The following FRAS1 variants were observed in gnomAD, a reference collection of about 807,000 sequenced individuals.
The protein encoded by FRAS1 is extracellular matrix organizing protein FRAS1.
In FRAS1, 290 loss-of-function variants were observed where a neutral mutation model predicts 435.2. That is an observed-to-expected ratio of 0.67 (90% CI 0.61 to 0.73). The LOEUF (loss-of-function observed/expected upper bound fraction) is 0.73, where lower values mean the gene tolerates loss of function less well. Ranked by LOEUF, FRAS1 falls within the 30% of genes least tolerant of loss-of-function variation. The pLI is 0.00. For missense variants in FRAS1, 4,860 were observed against 5,001.5 expected, an observed-to-expected ratio of 0.97 and a Z score of 0.85; for synonymous variants, 1,800 against 1,851.0, an observed-to-expected ratio of 0.97 and a Z score of 0.71.
chr4:78,503,219 TC>T (rs2109877328), intron 61 of FRAS1, among the ~76,000 whole-genome samples: 1 of 152,340 alleles, frequency 6.6e-6, no homozygotes, highest in Admixed American at 6.5e-5. Context: ...TCAGGATGAT[TC>T]CGGCTTCATA....
chr4:78,148,586 A>G (rs543614195), intron 2 of FRAS1, among the ~76,000 whole-genome samples: 12 of 152,320 alleles, frequency 7.9e-5, no homozygotes, highest in African/African-American at 2.6e-4. Context: ...TTCAATTTTT[A>G]TATGCTACAG....
At position 78,438,525 on chromosome 4, in the gene FRAS1, C is replaced by T. The variant is rs886399743; in HGVS notation, c.5218-45C>T. ...TCTTTAGCTACTGGAAGTGTTTATT[C>T]CTGCAAATGTGCGTTCATGTCCTGC... On this transcript the variant is annotated intron_variant, in intron 38 of 73. Transcript: ENST00000512123. The T allele has an allele frequency of 1.9e-6, 3 of 1,606,954 alleles. No individual in the cohort carries two copies. The African/African-American group carries it at 4.0e-5, about 22-fold the overall frequency.
At chr4:78,358,949 T>TA (rs1730969532) in intron 20 of FRAS1, among the ~76,000 whole-genome samples, 1 of 152,212 alleles carries the variant, frequency 6.6e-6, no homozygotes, top group Admixed American at 6.5e-5. Context: ...CTAATCTATG[T>TA]AAAAATCTCT....
Position 78,507,556 on chromosome 4 carries a change from C to T in FRAS1, c.9452C>T (p.Thr3151Ile), listed in dbSNP as rs1338734306. 1 of 1,610,990 alleles carries T rather than the reference C, an allele frequency of 6.2e-7. No homozygotes were observed. The highest frequency in any genetic ancestry group is 8.5e-7 in the Non-Finnish European group (1 of 1,178,782). Reference sequence around the variant, plus strand: ...GGGGATGTGACTACTGCCACGGTGACAATTCTAGACCAGGAGGCAGCAGGG... The same window carrying T: ...GGGGATGTGACTACTGCCACGGTGATAATTCTAGACCAGGAGGCAGCAGGG... ...VLGDVTTATVTILDQEAAGSL... is the reference protein window; with the variant it reads ...VLGDVTTATVIILDQEAAGSL... Residue 3151 changes from threonine to isoleucine, a missense_variant, in exon 62 of 74, where the codon ACA becomes ATA. Transcript: ENST00000512123.
At position 78,400,869 on chromosome 4, in the gene FRAS1, C is replaced by T. The variant is rs1732862637; in HGVS notation, c.4111C>T (p.Gln1371Ter). Residue 1371 changes from glutamine (Q) to a stop codon, truncating the protein, a stop_gained, in exon 30 of 74, where the codon CAA (glutamine) becomes TAA (stop). Transcript: ENST00000512123. LOFTEE classifies it high-confidence loss of function. ...SAEEIIYKIT[Q>*]DYPQFGEVVL... ...TGAAGAAATCATCTACAAGATTACA[C>T]AAGACTACCCCCAGTTTGGTAACTA... The T allele has an allele frequency of 6.2e-7, 1 of 1,613,554 alleles. No homozygotes were observed.
chr4:78,509,677 A>T (rs1421512884), intron 63 of FRAS1, among the ~76,000 whole-genome samples: 1 of 152,232 alleles, frequency 6.6e-6, no homozygotes, highest in African/African-American at 2.4e-5. Flanking sequence ...CCATCAGAGA[A>T]CAATGAATAG....
intron 31 of FRAS1, among the ~76,000 whole-genome samples, chr4:78,408,101 T>C (rs2110353906): frequency 6.6e-6 from 1 of 152,244 alleles, no homozygotes; most frequent in South Asian, 2.1e-4. Context: ...ATGTCTTACA[T>C]GGTGGGAGGC....
rs1734249069 is a variant in FRAS1, at chr4:78,432,373, T to C, written c.4986T>C (p.Tyr1662=). ...RPMATGDTFT[Y]EDVEKNALQY... is the part of the protein sequence containing the mutation. ...TCTTGGAAGGTGACACTTTCACCTATGAGGATGTTGAGAAAAATGCTCTAC... is the reference window on the plus strand; with the variant it reads ...TCTTGGAAGGTGACACTTTCACCTACGAGGATGTTGAGAAAAATGCTCTAC... Residue 1662 remains tyrosine, a synonymous_variant, in exon 38 of 74, where the codon TAT becomes TAC. Transcript: ENST00000512123. The C allele has an allele frequency of 6.2e-7, 1 of 1,601,242 alleles. No homozygotes were observed. Among genetic ancestry groups the C allele is most frequent in the African/African-American group, 1.3e-5 (1 of 74,874 alleles).
chr4:78,396,262 C>A (rs78920966), intron 29 of FRAS1, among the ~76,000 whole-genome samples: 6,685 of 152,248 alleles, frequency 0.044, 509 homozygotes, highest in African/African-American at 0.15. Flanking sequence ...AGAGTTAAAA[C>A]TGACTTACAT....
chr4:78,303,899 A>G (rs537468414), intron 14 of FRAS1, among the ~76,000 whole-genome samples: 205 of 150,682 alleles, frequency 1.4e-3, no homozygotes, highest in African/African-American at 4.7e-3. Context: ...TATGTTGAAT[A>G]GGAGTGGTGA....
chr4:78,248,133 G>A (rs572145209), intron 4 of FRAS1, among the ~76,000 whole-genome samples: 2 of 152,232 alleles, frequency 1.3e-5, no homozygotes, highest in East Asian at 3.9e-4. Context: ...CTGGAGTGAG[G>A]AAAACACTTG....
chr4:78,422,123 A>G (rs1733813736), intron 34 of FRAS1, 123 bp downstream of exon 34: 2 of 1,017,854 alleles, frequency 2.0e-6, no homozygotes, highest in East Asian at 2.7e-5. Flanking sequence ...TAGCTATTCA[A>G]AATAGCTTGA....
At position 78,114,304 on chromosome 4, in the gene FRAS1, CA is replaced by C. The variant is rs999081435; in HGVS notation, c.108+48290del. On this transcript the variant is annotated intron_variant, in intron 2 of 73. Coordinates refer to ENST00000512123, the MANE Select transcript of FRAS1 (RefSeq NM_025074.7). ...TTCTTTTGGCTTAGGATTGACTTGG[CA>C]ATGCAGGCTCTTTTTTTGGTTCCAT... Among the ~76,000 whole-genome samples the C allele has an allele frequency of 8.5e-5, 13 of 152,230 alleles. No individual in the cohort carries two copies. The East Asian group carries it at 1.7e-3, about 20-fold the overall frequency.
At chr4:78,491,083 T>TA (rs1200907967) in intron 59 of FRAS1, among the ~76,000 whole-genome samples, 1 of 152,102 alleles carries the variant, frequency 6.6e-6, no homozygotes, top group East Asian at 1.9e-4. Context: ...CCTGGACACA[T>TA]ACGCCCTCTC....
At chr4:78,538,882 G>C (rs534153959) in intron 72 of FRAS1, among the ~76,000 whole-genome samples, 2 of 151,296 alleles carry the variant, frequency 1.3e-5, no homozygotes, top group Non-Finnish European at 2.9e-5. Context: ...ATGAACCCAG[G>C]AGGTGGAGCC....
intron 47 of FRAS1, among the ~76,000 whole-genome samples, chr4:78,460,427 G>T (rs1719334888): frequency 6.6e-6 from 1 of 152,220 alleles, no homozygotes; most frequent in African/African-American, 2.4e-5. Context: ...TGCTGTGACA[G>T]CGGTAGGGAC....
rs558860460 is a variant in FRAS1 at position 78,113,730 on chromosome 4, C to T, written c.108+47714C>T. On this transcript the variant is annotated intron_variant, in intron 2 of 73. Coordinates refer to ENST00000512123, the MANE Select transcript of FRAS1 (RefSeq NM_025074.7). Reference sequence around the variant, plus strand: ...TTCATTGTAGATTCTGGATATTAGCCCTTTGTTAGATGAGTAGATTGCAAA... The same window carrying T: ...TTCATTGTAGATTCTGGATATTAGCTCTTTGTTAGATGAGTAGATTGCAAA... 2.8e-4 allele frequency among the ~76,000 whole-genome samples: 42 copies of T among 152,056 alleles called. No homozygotes were observed. In the East Asian group the frequency reaches 5.8e-3, roughly 21 times the overall value.
At chr4:78,124,357 C>T (rs1719215085) in intron 2 of FRAS1, among the ~76,000 whole-genome samples, 1 of 152,176 alleles carries the variant, frequency 6.6e-6, no homozygotes, top group Admixed American at 6.5e-5. Flanking sequence ...TTTTGATGTG[C>T]TGCTGGATTC....
intron 20 of FRAS1, among the ~76,000 whole-genome samples, chr4:78,355,407 G>C (rs6827669): frequency 0.022 from 3,305 of 152,162 alleles, 126 homozygotes; most frequent in African/African-American, 0.076. Flanking sequence ...TATATTTAAA[G>C]ACTCTACTGT....
Sources: gnomAD v4.1 joint callset for allele counts (sites outside exome capture counted in the v4.1 genomes callset) on GRCh38, gnomAD v4.1.1 for gene constraint, MANE v1.5 for transcripts, NCBI Gene and HGNC (gene_info 2026-07-23, HGNC 2026-07-21) for gene names.